AMD1: variants seen among roughly 807,000 people sequenced by gnomAD.
AMD1 encodes S-adenosylmethionine decarboxylase proenzyme.
A neutral mutation model predicts 40.2 loss-of-function variants in AMD1; 11 were observed. The ratio of observed to expected loss-of-function variants is 0.27; its 90% CI spans 0.17 to 0.45. The LOEUF (loss-of-function observed/expected upper bound fraction) is 0.45, where lower values mean the gene tolerates loss of function less well. Ranked by LOEUF, AMD1 falls within the 20% of genes least tolerant of loss-of-function variation. The pLI is 1.00. For synonymous variants in AMD1, 121 were observed against 130.8 expected (o/e 0.93, Z 0.51); for missense variants, 257 against 410.2 (o/e 0.63, Z 3.23).
the AMD1 span, among the ~76,000 whole-genome samples, chr6:110,869,600 A>T: frequency 6.7e-6 from 1 of 149,844 alleles, no homozygotes; most frequent in Non-Finnish European, 1.5e-5. Flanking sequence ...ACCTCCGCCT[A>T]CCAGATTCAA....
chr6:110,849,817 C>G, the AMD1 span, among the ~76,000 whole-genome samples: 3 of 152,050 alleles, frequency 2.0e-5, no homozygotes, highest in African/African-American at 7.2e-5. Context: ...CCCGTGAGTT[C>G]AAGACCAGCC....
the AMD1 span, among the ~76,000 whole-genome samples, chr6:110,840,313 A>G: frequency 1.6e-4 from 25 of 152,006 alleles, no homozygotes; most frequent in Admixed American, 6.6e-5. Context: ...ATAGTGTCAG[A>G]TCCCAGGGGT....
the AMD1 span, among the ~76,000 whole-genome samples, chr6:110,817,479 T>A: frequency 1.3e-5 from 2 of 151,620 alleles, no homozygotes; most frequent in African/African-American, 2.4e-5. Flanking sequence ...TGTGGTAGCA[T>A]GTGTCTGTAG....
chr6:110,869,069 A>AT, the AMD1 span, among the ~76,000 whole-genome samples: 1 of 152,126 alleles, frequency 6.6e-6, no homozygotes, highest in Non-Finnish European at 1.5e-5. Context: ...CAAAAAAAAA[A>AT]AAAAATTTAA....
chr6:110,814,709 C>T, the AMD1 span: 1 of 593,986 alleles, frequency 1.7e-6, no homozygotes, highest in Admixed American at 2.2e-5. Context: ...AACTCCTCCT[C>T]CACCGCGGTC....
chr6:110,839,965 C>A, the AMD1 span, among the ~76,000 whole-genome samples: 1 of 151,838 alleles, frequency 6.6e-6, no homozygotes, highest in Non-Finnish European at 1.5e-5. Flanking sequence ...AATATCACCC[C>A]CATATAAGGC....
intron 2 of AMD1, 47 bp from the exon 3 acceptor site, chr6:110,888,810 G>T: frequency 6.4e-7 from 1 of 1,574,220 alleles, no homozygotes; most frequent in Non-Finnish European, 8.7e-7. Context: ...TGCACCCTCA[G>T]TAGTACATTA....
At chr6:110,860,095 G>A in the AMD1 span, among the ~76,000 whole-genome samples, 1 of 152,118 alleles carries the variant, frequency 6.6e-6, no homozygotes, top group Admixed American at 6.6e-5. Context: ...CCCAAGTGCT[G>A]GAATTACAGG....
chr6:110,869,918 T>C (rs1784884004), upstream of AMD1, among the ~76,000 whole-genome samples: 1 of 151,784 alleles, frequency 6.6e-6, no homozygotes, highest in Admixed American at 6.6e-5. Flanking sequence ...TTTTTCTTTC[T>C]TCTTTTTTAA....
chr6:110,851,325 C>T, the AMD1 span, among the ~76,000 whole-genome samples: 1 of 152,140 alleles, frequency 6.6e-6, no homozygotes, highest in Non-Finnish European at 1.5e-5. Context: ...AGGTCTTGAA[C>T]TCTTGGGCTC....
At chr6:110,879,896 A>G (rs543495434) in intron 1 of AMD1, among the ~76,000 whole-genome samples, 38 of 152,200 alleles carry the variant, frequency 2.5e-4, no homozygotes, top group African/African-American at 8.9e-4. Flanking sequence ...AATAGCATCT[A>G]TGTATTGAGT....
chr6:110,875,114 T>G lies in AMD1; in HGVS notation c.9T>G (p.Ala3=). 1 of 1,613,426 alleles carries G rather than the reference T, an allele frequency of 6.2e-7. No homozygotes were observed. Among genetic ancestry groups the G allele is most frequent in the Non-Finnish European group, 8.5e-7 (1 of 1,179,690 alleles). ...TCGCTAGTCTCACGGTGATGGAAGC[T>G]GCACATTTTTTCGAAGGGACCGAGA... The part of the protein sequence containing the change: ME[A]AHFFEGTEKL... Residue 3 remains alanine (A), a synonymous_variant, in exon 1 of 9, where the codon GCT becomes GCG. Coordinates refer to ENST00000368885, the MANE Select transcript of AMD1 (RefSeq NM_001634.6).
chr6:110,882,970 T>C (rs978478189), intron 1 of AMD1, among the ~76,000 whole-genome samples: 1 of 151,970 alleles, frequency 6.6e-6, no homozygotes, highest in Non-Finnish European at 1.5e-5. Context: ...CAATTAAAAA[T>C]ATATTAGTAA....
chr6:110,856,961 C>T, the AMD1 span, among the ~76,000 whole-genome samples: 1 of 151,878 alleles, frequency 6.6e-6, no homozygotes, highest in East Asian at 1.9e-4. Flanking sequence ...GTCAGGAGTT[C>T]AAGACCAGCC....
intron 1 of AMD1, among the ~76,000 whole-genome samples, chr6:110,882,692 G>C (rs761619401): frequency 5.1e-4 from 77 of 152,224 alleles, no homozygotes; most frequent in Admixed American, 1.0e-3. Flanking sequence ...CAGTTTAACT[G>C]TTTGTCCTAG....
At chr6:110,880,363 T>C (rs898902456) in intron 1 of AMD1, among the ~76,000 whole-genome samples, 4 of 152,244 alleles carry the variant, frequency 2.6e-5, no homozygotes, top group African/African-American at 9.6e-5. Flanking sequence ...TAGAAATGTT[T>C]ACATTTTAGG....
chr6:110,859,852 ATGT>A, the AMD1 span, among the ~76,000 whole-genome samples: 5 of 151,604 alleles, frequency 3.3e-5, no homozygotes, highest in African/African-American at 9.7e-5. Context: ...GTTGTTGTTG[ATGT>A]TGTTGTTGTT....
chr6:110,857,730 G>A, the AMD1 span, among the ~76,000 whole-genome samples: 1,686 of 135,704 alleles, frequency 0.012, 41 homozygotes, highest in African/African-American at 0.045. Context: ...TAGATGGTGT[G>A]TATATATATA....
intron 8 of AMD1, 150 bp downstream of exon 8, chr6:110,893,215 T>C (rs1786130039): frequency 2.0e-5 from 18 of 913,590 alleles, no homozygotes; most frequent in Non-Finnish European, 2.7e-5. Context: ...TACTGGTAGC[T>C]GAGAAGCTTT....
Sources: allele counts gnomAD v4.1 joint callset (sites outside exome capture counted in the v4.1 genomes callset), GRCh38; gene constraint gnomAD v4.1.1; transcripts MANE v1.5; gene names NCBI Gene and HGNC (gene_info 2026-07-23, HGNC 2026-07-21).